The following SPRED1 variants were observed in gnomAD, a reference collection of about 807,000 sequenced individuals.
SPRED1 encodes the protein sprouty related EVH1 domain containing 1, also known as sprouty-related, EVH1 domain-containing protein 1.
Under a neutral mutation model 52.3 loss-of-function variants are expected in SPRED1, and 18 were observed. The observed-to-expected ratio is 0.34, with a 90% CI of 0.24 to 0.51. The LOEUF is 0.51. Ranked by LOEUF, SPRED1 falls within the 20% of genes least tolerant of loss-of-function variation. The pLI is 0.97. For synonymous variants in SPRED1, 155 were observed against 179.7 expected, an observed-to-expected ratio of 0.86 and a Z score of 1.10; for missense variants, 485 against 551.0, an observed-to-expected ratio of 0.88 and a Z score of 1.20.
chr15:38,291,838 GC>G (rs1475595180), intron 1 of SPRED1, among the ~76,000 whole-genome samples: 40 of 152,328 alleles, frequency 2.6e-4, no homozygotes, highest in African/African-American at 8.4e-4. Context: ...GATGGGAGGG[GC>G]TGCTCTGAAG....
intron 1 of SPRED1, among the ~76,000 whole-genome samples, chr15:38,277,320 A>G (rs1317894974): frequency 7.9e-5 from 12 of 151,976 alleles, no homozygotes; most frequent in African/African-American, 2.7e-4. Flanking sequence ...CTTTGTGTCC[A>G]TGTGTACTCA....
chr15:38,283,955 A>T (rs942327740), intron 1 of SPRED1, among the ~76,000 whole-genome samples: 1 of 152,210 alleles, frequency 6.6e-6, no homozygotes, highest in Non-Finnish European at 1.5e-5. Context: ...ATTAGAGCTC[A>T]GATCACTTTA....
At chr15:38,280,983 A>G (rs1894675472) in intron 1 of SPRED1, among the ~76,000 whole-genome samples, 1 of 152,224 alleles carries the variant, frequency 6.6e-6, no homozygotes, top group East Asian at 1.9e-4. Flanking sequence ...GTGTGATGAT[A>G]TATTTAGAAA....
chr15:38,287,028 T>G (rs1566855648), intron 1 of SPRED1, among the ~76,000 whole-genome samples: 2 of 151,758 alleles, frequency 1.3e-5, no homozygotes, highest in Admixed American at 6.6e-5. Context: ...TTTTTTGTAT[T>G]TGTTTCCCAT....
chr15:38,261,190 T>C (rs1894197019), intron 1 of SPRED1, among the ~76,000 whole-genome samples: 1 of 152,242 alleles, frequency 6.6e-6, no homozygotes, highest in Non-Finnish European at 1.5e-5. Context: ...TAAATGTTCA[T>C]AAATATAGAG....
Position 38,322,412 on chromosome 15 carries a change from A to T in SPRED1, c.376+3A>T, listed in dbSNP as rs775985211. ...AGCTATAGAGGATATTTCTCAAGGTAGGTATTCTTGACTATTTTCTTAATT... is the reference window on the plus strand; with the variant it reads ...AGCTATAGAGGATATTTCTCAAGGTTGGTATTCTTGACTATTTTCTTAATT... On this transcript the variant is annotated splice_donor_region_variant and intron_variant, in intron 3 of 6. Coordinates refer to ENST00000299084, the MANE Select transcript of SPRED1 (RefSeq NM_152594.3). 2.9e-5 allele frequency: 46 copies of T among 1,612,828 alleles called. No individual in the cohort carries two copies. In the African/African-American group the frequency reaches 6.1e-4, roughly 22 times the overall value.
chr15:38,312,023 C>T (rs1416439777), intron 2 of SPRED1, among the ~76,000 whole-genome samples: 3 of 152,110 alleles, frequency 2.0e-5, no homozygotes, highest in African/African-American at 7.2e-5. Flanking sequence ...TTTGAAAAGA[C>T]TTCAGTTCAC....
chr15:38,322,974 T>C (rs1028601446), intron 3 of SPRED1, among the ~76,000 whole-genome samples: 1 of 152,134 alleles, frequency 6.6e-6, no homozygotes, highest in African/African-American at 2.4e-5. Flanking sequence ...GAATAATGTT[T>C]TTTCATGTAA....
chr15:38,322,268 G>T lies in SPRED1; in HGVS notation c.235G>T (p.Asp79Tyr). 1.9e-6 allele frequency: 3 copies of T among 1,613,768 alleles called. No individual in the cohort carries two copies. The highest frequency in any genetic ancestry group is 2.5e-6 in the Non-Finnish European group (3 of 1,179,860). ...GGTTTTGGAATGTATGCTTAAAAAA[G>T]ACCTCATTTATAATAAGGTCACTCC... Reference protein sequence around the residue: ...MVVLECMLKKDLIYNKVTPTF... With the variant: ...MVVLECMLKKYLIYNKVTPTF... The change falls in exon 3 of 7, where the codon GAC (aspartate) becomes TAC (tyrosine). Residue 79 changes from aspartate (D) to tyrosine (Y), a missense_variant. This residue lies in a region of SPRED1 where 232 missense variants were observed against 231.8 expected (regional missense o/e 1.00). Transcript: ENST00000299084.
chr15:38,253,150 T>C lies in SPRED1; in HGVS notation c.-36T>C. On this transcript the variant is annotated 5_prime_UTR_variant, in exon 1 of 7. Transcript: ENST00000299084. ...CTGTTGCTCCCCCGCCTGCTGTTGC[T>C]CCTCCATCTCCAGATCGGATCACGG... 1.3e-6 allele frequency: 2 copies of C among 1,566,412 alleles called. No individual in the cohort carries two copies. The highest frequency in any genetic ancestry group is 8.7e-7 in the Non-Finnish European group (1 of 1,154,956).
chr15:38,302,014 T>C (rs777870073), intron 2 of SPRED1, among the ~76,000 whole-genome samples: 1 of 152,200 alleles, frequency 6.6e-6, no homozygotes, highest in Admixed American at 6.5e-5. Context: ...GTAATAGTTA[T>C]GTGAAAGACA....
intron 1 of SPRED1, among the ~76,000 whole-genome samples, chr15:38,297,373 T>A (rs973398452): frequency 1.3e-5 from 2 of 152,234 alleles, no homozygotes; most frequent in Non-Finnish European, 2.9e-5. Context: ...TTATGTAGTC[T>A]GCTCCCACTG....
At chr15:38,282,990 G>A (rs184333861) in intron 1 of SPRED1, among the ~76,000 whole-genome samples, 52 of 152,088 alleles carry the variant, frequency 3.4e-4, no homozygotes, top group African/African-American at 1.3e-3. Flanking sequence ...CTGGATTGCC[G>A]AACATTTTGG....
chr15:38,305,941 C>G (rs1357757586), intron 2 of SPRED1, among the ~76,000 whole-genome samples: 2 of 152,066 alleles, frequency 1.3e-5, no homozygotes, highest in Non-Finnish European at 2.9e-5. Context: ...CTGTTTCATT[C>G]TTTTAATCTC....
intron 1 of SPRED1, among the ~76,000 whole-genome samples, chr15:38,258,967 A>C (rs975801101): frequency 6.3e-4 from 96 of 152,262 alleles, no homozygotes; most frequent in Non-Finnish European, 1.3e-4. Flanking sequence ...GCTGATTTAT[A>C]AATTAAAGAA....
chr15:38,346,250 C>A (rs1253813007), intron 5 of SPRED1, among the ~76,000 whole-genome samples: 1 of 151,612 alleles, frequency 6.6e-6, no homozygotes, highest in South Asian at 2.1e-4. Context: ...CAGGGAGGTC[C>A]AGGCCACAGT....
intron 1 of SPRED1, among the ~76,000 whole-genome samples, chr15:38,276,471 ACT>A (rs1390381288): frequency 6.6e-6 from 1 of 152,132 alleles, no homozygotes; most frequent in African/African-American, 2.4e-5. Flanking sequence ...AACATTATAC[ACT>A]CATTAAATGA....
intron 1 of SPRED1, among the ~76,000 whole-genome samples, chr15:38,267,638 TA>T (rs1894338018): frequency 6.6e-6 from 1 of 152,342 alleles, no homozygotes; most frequent in African/African-American, 2.4e-5. Context: ...AGCATTGGCC[TA>T]AAATCATTTC....
chr15:38,310,115 T>TTGTGTGTGTGTGTGTGTGTG (rs767218956), intron 2 of SPRED1, among the ~76,000 whole-genome samples: 45 of 23,188 alleles, frequency 1.9e-3, no homozygotes, highest in Non-Finnish European at 4.1e-3. Flanking sequence ...AGACTATTCT[T>TTGTGTGTGTGTGTGTGTGTG]TGTGTGTGTG....
Sources: gnomAD v4.1 joint callset for allele counts (sites outside exome capture counted in the v4.1 genomes callset) on GRCh38, gnomAD v4.1.1 for gene constraint, gnomAD v4.1.1 regional missense constraint, MANE v1.5 for transcripts, NCBI Gene and HGNC (gene_info 2026-07-23, HGNC 2026-07-21) for gene names.